The following DAB1 variants were observed in gnomAD, a reference collection of about 807,000 sequenced individuals.
DAB1 encodes disabled homolog 1.
Under a neutral mutation model 64.6 loss-of-function variants are expected in DAB1, and 15 were observed. The observed-to-expected ratio is 0.23, with a 90% confidence interval of 0.16 to 0.36. The LOEUF (loss-of-function observed/expected upper bound fraction) is 0.36, where lower values mean the gene tolerates loss of function less well. Among genes scored for constraint, DAB1 ranks in the 10% least tolerant of loss-of-function variants. DAB1 has a pLI of 1.00. For missense variants in DAB1, 596 were observed against 706.7 expected (o/e 0.84, Z 1.78); for synonymous variants, 235 against 251.9 (o/e 0.93, Z 0.64).
chr1:57,383,297 A>G (rs906030041), intron 1 of DAB1, among the ~76,000 whole-genome samples: 10 of 152,182 alleles, frequency 6.6e-5, no homozygotes, highest in Non-Finnish European at 1.2e-4. Context: ...GCAATTTTCT[A>G]TTATGAGAGC....
chr1:57,574,412 C>T (rs144697877), intron 7 of DAB1, among the ~76,000 whole-genome samples: 1 of 152,314 alleles, frequency 6.6e-6, no homozygotes, highest in African/African-American at 2.4e-5. Context: ...TGAATTTCCA[C>T]TTTGTGCCAA....
Position 57,106,669 on chromosome 1 carries a change from A to T in DAB1, c.306+29874T>A, listed in dbSNP as rs138837309. On this transcript the variant is annotated intron_variant, in intron 4 of 14. Coordinates refer to ENST00000371236, the MANE Select transcript of DAB1 (RefSeq NM_001365792.1). ...TGAGAAATAAAGTGGTTTCCCTTTG[A>T]TCCAACCGTAGGAAAAGGTACAGCT... is the stretch of plus-strand genomic sequence containing the variant. Among the ~76,000 whole-genome samples the T allele has an allele frequency of 3.6e-3, 544 of 152,310 alleles. 5 individuals carry two copies. The highest frequency in any genetic ancestry group is 0.013 in the African/African-American group (531 of 41,568).
At chr1:57,778,724 C>T (rs919366219) in intron 6 of DAB1, among the ~76,000 whole-genome samples, 2 of 152,118 alleles carry the variant, frequency 1.3e-5, no homozygotes, top group South Asian at 4.1e-4. Flanking sequence ...CATCAATTTA[C>T]CCATTTGTAA....
chr1:57,484,105 GA>G, intron 7 of DAB1, among the ~76,000 whole-genome samples: 1 of 152,114 alleles, frequency 6.6e-6, no homozygotes, highest in Non-Finnish European at 1.5e-5. Flanking sequence ...GTCTCAGAAA[GA>G]AGCATTTCCT....
intron 3 of DAB1, among the ~76,000 whole-genome samples, chr1:58,398,555 A>G (rs946056786): frequency 2.6e-5 from 4 of 152,206 alleles, no homozygotes; most frequent in African/African-American, 9.6e-5. Flanking sequence ...ATAATAACCT[A>G]CACTTAGAGA....
intron 4 of DAB1, among the ~76,000 whole-genome samples, chr1:58,215,789 T>A (rs1026673235): frequency 6.6e-6 from 1 of 152,154 alleles, no homozygotes; most frequent in Non-Finnish European, 1.5e-5. Flanking sequence ...AAGATGTGAG[T>A]TTCAGACACA....
intron 1 of DAB1, among the ~76,000 whole-genome samples, chr1:58,543,961 G>A (rs1646662583): frequency 6.6e-6 from 1 of 152,152 alleles, no homozygotes; most frequent in African/African-American, 2.4e-5. Flanking sequence ...CAGTTAAATG[G>A]CCATATGTGG....
intron 2 of DAB1, among the ~76,000 whole-genome samples, chr1:57,248,920 C>G (rs1465519188): frequency 6.6e-6 from 1 of 152,222 alleles, no homozygotes; most frequent in African/African-American, 2.4e-5. Context: ...GCATTAGTCA[C>G]TATCATAGGT....
chr1:57,606,425 T>C (rs1362885979), intron 7 of DAB1, among the ~76,000 whole-genome samples: 1 of 128,260 alleles, frequency 7.8e-6, no homozygotes, highest in African/African-American at 2.9e-5. Flanking sequence ...ATATATTTCA[T>C]ATATAAAATA....
At position 57,406,428 on chromosome 1, in the gene DAB1, G is replaced by T. The variant is rs1570463904; in HGVS notation, c.-137+17502C>A. ...TTCCCTGTCTCTTCCTGGGTCTTGT[G>T]GGAAAAAGTCTGTGGCTTTTATAGG... is the stretch of plus-strand genomic sequence containing the variant. On this transcript the variant is annotated intron_variant, in intron 1 of 14. Transcript: ENST00000371236. 2.6e-5 allele frequency among the ~76,000 whole-genome samples: 4 copies of T among 152,278 alleles called. No homozygotes were observed. The South Asian group carries it at 8.3e-4, about 32-fold the overall frequency.
intron 3 of DAB1, among the ~76,000 whole-genome samples, chr1:58,458,060 T>A (rs1645208380): frequency 6.6e-6 from 1 of 152,262 alleles, no homozygotes; most frequent in Non-Finnish European, 1.5e-5. Flanking sequence ...CAAACAGGCA[T>A]GTCCCCTGTC....
chr1:57,158,498 C>G (rs1660450857), intron 2 of DAB1, among the ~76,000 whole-genome samples: 1 of 152,158 alleles, frequency 6.6e-6, no homozygotes, highest in Non-Finnish European at 1.5e-5. Context: ...TTTTACTTTC[C>G]CCCTTGGCTG....
At chr1:58,088,531 A>G (rs571853292) in intron 5 of DAB1, among the ~76,000 whole-genome samples, 52 of 152,272 alleles carry the variant, frequency 3.4e-4, no homozygotes, top group African/African-American at 1.2e-3. Flanking sequence ...CACACGCTTG[A>G]CCCCATCTTG....
chr1:58,257,443 C>T, intron 4 of DAB1, among the ~76,000 whole-genome samples: 1 of 151,686 alleles, frequency 6.6e-6, no homozygotes, highest in Admixed American at 6.6e-5. Flanking sequence ...GTGTTAACAC[C>T]TTTTTTTTTC....
At chr1:58,162,707 T>C (rs1313626464) in intron 4 of DAB1, among the ~76,000 whole-genome samples, 1 of 152,212 alleles carries the variant, frequency 6.6e-6, no homozygotes, top group East Asian at 1.9e-4. Flanking sequence ...TCATCTTATT[T>C]AGTGGCTAGG....
chr1:57,839,918 GAA>G (rs1048742977), intron 1 of DAB1, among the ~76,000 whole-genome samples: 1 of 152,144 alleles, frequency 6.6e-6, no homozygotes, highest in African/African-American at 2.4e-5. Context: ...GGTGAGCTTG[GAA>G]AAAGTCAGTG....
At chr1:57,258,894 A>T (rs560496090) in intron 2 of DAB1, among the ~76,000 whole-genome samples, 2 of 152,188 alleles carry the variant, frequency 1.3e-5, no homozygotes. Context: ...CCACCTCCCC[A>T]AGAGCTGGGG....
intron 6 of DAB1, among the ~76,000 whole-genome samples, chr1:57,666,420 G>A (rs1646448120): frequency 6.6e-6 from 1 of 152,134 alleles, no homozygotes; most frequent in African/African-American, 2.4e-5. Flanking sequence ...ACTGGCCATG[G>A]AGCTTCCTAG....
At chr1:57,684,097 A>G (rs962558650) in intron 6 of DAB1, among the ~76,000 whole-genome samples, 1 of 152,210 alleles carries the variant, frequency 6.6e-6, no homozygotes, top group African/African-American at 2.4e-5. Context: ...AATGAAAAAA[A>G]CCTTCAAGAA....
Sources: allele counts gnomAD v4.1 joint callset (sites outside exome capture counted in the v4.1 genomes callset), GRCh38; gene constraint gnomAD v4.1.1; transcripts MANE v1.5; gene names NCBI Gene and HGNC (gene_info 2026-07-23, HGNC 2026-07-21).